Variants in FARP1 observed in about 807,000 individuals in gnomAD.
The protein encoded by FARP1 is FERM, ARHGEF and pleckstrin domain-containing protein 1.
In FARP1, 52 loss-of-function variants were observed where a neutral mutation model predicts 128.8. The observed-to-expected ratio is 0.40, with a 90% CI of 0.32 to 0.51. The LOEUF is 0.51. Among genes scored for constraint, FARP1 ranks in the 20% least tolerant of loss-of-function variants. The probability of loss-of-function intolerance (pLI) is 0.45; values close to 1 mark genes in which losing one functional copy is unlikely to be tolerated. For missense variants in FARP1, 1,333 were observed against 1,367.9 expected, an observed-to-expected ratio of 0.97 and a Z score of 0.40; for synonymous variants, 580 against 551.8, an observed-to-expected ratio of 1.05 and a Z score of -0.72.
At chr13:98,349,138 A>G (rs967005266) in intron 3 of FARP1, among the ~76,000 whole-genome samples, 1 of 152,224 alleles carries the variant, frequency 6.6e-6, no homozygotes, top group Non-Finnish European at 1.5e-5. Context: ...ATCTGTTTAA[A>G]CATTCGCTTT....
At chr13:98,386,360 TCTTA>T (rs1163974081) in intron 8 of FARP1, among the ~76,000 whole-genome samples, 1 of 152,188 alleles carries the variant, frequency 6.6e-6, no homozygotes, top group Non-Finnish European at 1.5e-5. Flanking sequence ...GCACTTGAAT[TCTTA>T]CTTGTATTCT....
At chr13:98,311,527 C>T (rs374605621) in intron 2 of FARP1, among the ~76,000 whole-genome samples, 8 of 152,136 alleles carry the variant, frequency 5.3e-5, no homozygotes, top group East Asian at 1.9e-4. Flanking sequence ...CAAGGAAAAT[C>T]GGCAGATAGC....
chr13:98,166,754 G>A (rs285091), intron 1 of FARP1, among the ~76,000 whole-genome samples: 8 of 147,060 alleles, frequency 5.4e-5, no homozygotes, highest in Non-Finnish European at 1.2e-4. Context: ...ACAGGGTCTC[G>A]TTCTGTCACT....
chr13:98,224,105 G>A (rs546195150), intron 2 of FARP1, among the ~76,000 whole-genome samples: 11 of 152,204 alleles, frequency 7.2e-5, no homozygotes, highest in Non-Finnish European at 1.6e-4. Context: ...GTAAAGCATT[G>A]CAGAGCAAGA....
At chr13:98,393,525 A>G in intron 11 of FARP1, 118 bp from the exon 12 acceptor site, 1 of 740,214 alleles carries the variant, frequency 1.4e-6, no homozygotes, top group Non-Finnish European at 2.4e-6. Flanking sequence ...TCTGGGTACC[A>G]TCATTATTGA....
At position 98,409,421 on chromosome 13, in the gene FARP1, C is replaced by T. The variant is rs1296966653; in HGVS notation, c.1498C>T (p.Pro500Ser). ...GVAPANVTLSPNLSPDTKQAS... is the reference protein window; with the variant it reads ...GVAPANVTLSSNLSPDTKQAS... ...GGCCCCTGCCAACGTGACCTTGTCTCCCAACCTGAGCCCCGACACCAAGCA... is the reference window on the plus strand; with the variant it reads ...GGCCCCTGCCAACGTGACCTTGTCTTCCAACCTGAGCCCCGACACCAAGCA... Residue 500 changes from proline to serine, a missense_variant, in exon 14 of 27, where the codon CCC becomes TCC. Physicochemically the swap from Pro to Ser is moderately conservative, Grantham distance 74 (BLOSUM62 -1). Transcript: ENST00000319562. 2 of 1,613,956 alleles carry T rather than the reference C, an allele frequency of 1.2e-6. No individual in the cohort carries two copies. Among genetic ancestry groups the T allele is most frequent in the South Asian group, 1.1e-5 (1 of 91,080 alleles).
chr13:98,234,901 T>C (rs1882331738), intron 2 of FARP1, among the ~76,000 whole-genome samples: 1 of 152,228 alleles, frequency 6.6e-6, no homozygotes, highest in Non-Finnish European at 1.5e-5. Flanking sequence ...TTTTTAATAT[T>C]CTCTTAGAAA....
chr13:98,390,970 A>C (rs9584830), intron 11 of FARP1, 90 bp downstream of exon 11: 21,690 of 875,062 alleles, frequency 0.025, 405 homozygotes, highest in Middle Eastern at 0.082. Flanking sequence ...CTTTACCCAG[A>C]CTTCAGACTT....
intron 2 of FARP1, among the ~76,000 whole-genome samples, chr13:98,213,929 C>G (rs891546201): frequency 2.0e-5 from 3 of 152,152 alleles, no homozygotes; most frequent in Non-Finnish European, 4.4e-5. Flanking sequence ...AGAGCCTGTG[C>G]ATGCAACCCC....
intron 2 of FARP1, among the ~76,000 whole-genome samples, chr13:98,228,099 C>G (rs1443281694): frequency 6.6e-6 from 1 of 152,224 alleles, no homozygotes; most frequent in Non-Finnish European, 1.5e-5. Flanking sequence ...TGGCTCATGC[C>G]TGTAATCCCA....
At chr13:98,385,613 A>C in intron 7 of FARP1, 54 bp from the exon 8 acceptor site, 2 of 1,588,608 alleles carry the variant, frequency 1.3e-6, no homozygotes, top group African/African-American at 2.7e-5. Context: ...TCAAATTAAT[A>C]GATACAGGGA....
intron 1 of FARP1, among the ~76,000 whole-genome samples, chr13:98,146,799 T>A (rs1289378315): frequency 6.6e-6 from 1 of 152,204 alleles, no homozygotes. Context: ...GTCTCTCTCC[T>A]GTTGTTTGGT....
At chr13:98,259,460 G>T (rs1213836817) in intron 2 of FARP1, among the ~76,000 whole-genome samples, 1 of 152,046 alleles carries the variant, frequency 6.6e-6, no homozygotes, top group Admixed American at 6.6e-5. Context: ...AGTGCAGCCT[G>T]TCTTACTGCT....
chr13:98,377,379 A>C (rs998749621), intron 5 of FARP1, among the ~76,000 whole-genome samples: 5 of 137,242 alleles, frequency 3.6e-5, no homozygotes, highest in African/African-American at 1.7e-4. Flanking sequence ...CACCACAAAA[A>C]AAAAAAAAAA....
chr13:98,312,887 C>T (rs1198380622), intron 2 of FARP1, among the ~76,000 whole-genome samples: 1 of 152,132 alleles, frequency 6.6e-6, no homozygotes, highest in Non-Finnish European at 1.5e-5. Context: ...GACTTTATCA[C>T]AGACATAATT....
chr13:98,353,066 C>T (rs563038757), intron 3 of FARP1, among the ~76,000 whole-genome samples: 26 of 152,242 alleles, frequency 1.7e-4, no homozygotes, highest in African/African-American at 5.8e-4. Context: ...TTAACCAGAT[C>T]TCCCATGAAC....
chr13:98,184,727 C>A (rs1028731597), intron 1 of FARP1, among the ~76,000 whole-genome samples: 1 of 152,202 alleles, frequency 6.6e-6, no homozygotes, highest in Admixed American at 6.5e-5. Context: ...TGATCCTATG[C>A]TCTAAGAATT....
chr13:98,283,391 C>T (rs146199237), intron 2 of FARP1, among the ~76,000 whole-genome samples: 3 of 152,256 alleles, frequency 2.0e-5, no homozygotes, highest in African/African-American at 7.2e-5. Context: ...TGGAAAATGC[C>T]ATGTACAGCA....
intron 2 of FARP1, among the ~76,000 whole-genome samples, chr13:98,306,316 GA>G (rs1886153224): frequency 6.6e-6 from 1 of 152,138 alleles, no homozygotes; most frequent in Admixed American, 6.5e-5. Context: ...CTTTTCTTAC[GA>G]GGGGAAGAGG....
Sources: gnomAD v4.1 joint callset for allele counts (sites outside exome capture counted in the v4.1 genomes callset) on GRCh38, gnomAD v4.1.1 for gene constraint, MANE v1.5 for transcripts, NCBI Gene and HGNC (gene_info 2026-07-23, HGNC 2026-07-21) for gene names.